The following SNAP47 variants were observed in gnomAD, a reference collection of about 807,000 sequenced individuals.
SNAP47 encodes the protein synaptosomal-associated protein 47.
SNAP47 carries 20 observed loss-of-function variants against 31.4 expected under a neutral mutation model. The ratio of observed to expected loss-of-function variants is 0.64; its 90% CI spans 0.45 to 0.93. The LOEUF is 0.93. SNAP47 is among the 40% of genes least tolerant of loss of function. The probability of loss-of-function intolerance (pLI) is 0.00; values close to 1 mark genes in which losing one functional copy is unlikely to be tolerated. For synonymous variants in SNAP47, 194 were observed against 213.4 expected (o/e 0.91, Z 0.79); for missense variants, 492 against 528.5 (o/e 0.93, Z 0.68).
chr1:227,769,522 C>T (rs893026714), intron 4 of SNAP47, among the ~76,000 whole-genome samples: 3 of 152,084 alleles, frequency 2.0e-5, no homozygotes, highest in Admixed American at 1.3e-4. Context: ...ACGAAACCCC[C>T]CTTCATCCAG....
intron 4 of SNAP47, among the ~76,000 whole-genome samples, chr1:227,770,013 G>A (rs556832537): frequency 3.9e-5 from 6 of 152,108 alleles, no homozygotes; most frequent in African/African-American, 9.7e-5. Flanking sequence ...TGGGAGCCTC[G>A]CTGGTGCCTG....
chr1:227,761,427 A>C (rs1442973948), intron 3 of SNAP47, among the ~76,000 whole-genome samples: 1 of 152,192 alleles, frequency 6.6e-6, no homozygotes, highest in Admixed American at 6.5e-5. Flanking sequence ...ATATGTCTTA[A>C]AGTCAGGGGT....
chr1:227,766,436 G>A (rs1663405339), intron 3 of SNAP47, among the ~76,000 whole-genome samples: 1 of 152,210 alleles, frequency 6.6e-6, no homozygotes, highest in Admixed American at 6.5e-5. Context: ...GGAGCCCTGA[G>A]GCTCACCACA....
intron 3 of SNAP47, among the ~76,000 whole-genome samples, chr1:227,766,557 TC>T (rs1397866817): frequency 6.6e-6 from 1 of 152,190 alleles, no homozygotes; most frequent in African/African-American, 2.4e-5. Context: ...GTGGGCCACT[TC>T]CTGTGCTCTC....
chr1:227,751,769 TTTTTTTTTTTTTG>T, intron 2 of SNAP47, among the ~76,000 whole-genome samples: 1 of 99,156 alleles, frequency 1.0e-5, no homozygotes, highest in Admixed American at 1.1e-4. Context: ...TTTTTTTTTT[TTTTTTTTTTTTTG>T]AGACGGAGTC....
At chr1:227,776,709 A>AC (rs1441114470) in intron 4 of SNAP47, 1 of 985,358 alleles carries the variant, frequency 1.0e-6, no homozygotes, top group Non-Finnish European at 1.2e-6. Flanking sequence ...GCACTCCAGG[A>AC]CACTAGCAGT....
At chr1:227,758,858 C>T in intron 2 of SNAP47, 137 bp from the exon 3 acceptor site, 1 of 1,073,614 alleles carries the variant, frequency 9.3e-7, no homozygotes, top group Non-Finnish European at 1.3e-6. Context: ...CCTCCTGCTT[C>T]ATGGAGTGCT....
At chr1:227,769,806 G>T (rs1156297306) in intron 4 of SNAP47, among the ~76,000 whole-genome samples, 1 of 152,194 alleles carries the variant, frequency 6.6e-6, no homozygotes, top group Non-Finnish European at 1.5e-5. Flanking sequence ...ATCCACTAGG[G>T]CCCACGCCAT....
Position 227,766,157 on chromosome 1 carries a change from C to T in SNAP47, c.989-802C>T, listed in dbSNP as rs149800732. On this transcript the variant is annotated intron_variant, in intron 3 of 4. Transcript: ENST00000617596. The stretch of plus-strand genomic sequence containing the variant: ...TAGGAACCTGGGAGGGATGCTGAGG[C>T]CACCCACCTGCCTGCCTGCCCCATC... Among the ~76,000 whole-genome samples the T allele has an allele frequency of 1.8e-3, 269 of 152,274 alleles. 5 individuals carry two copies. The highest frequency in any genetic ancestry group is 0.014 in the Middle Eastern group (4 of 294).
At chr1:227,749,112 G>T (rs1276609956) in intron 2 of SNAP47, among the ~76,000 whole-genome samples, 1 of 152,136 alleles carries the variant, frequency 6.6e-6, no homozygotes, top group East Asian at 1.9e-4. Flanking sequence ...TTGCGTCATG[G>T]CCCGAGCATC....
At chr1:227,733,261 G>A (rs41270161), upstream of SNAP47, 90,100 of 920,782 alleles carry the variant, frequency 0.098, 4,686 homozygotes, top group Middle Eastern at 0.17. Context: ...TGAAACAGAG[G>A]CTAGGCCTCA....
rs749574981 is a variant in SNAP47 at position 227,748,143 on chromosome 1, C to T, written c.407C>T (p.Thr136Met). 34 of 1,613,680 alleles carry T rather than the reference C, an allele frequency of 2.1e-5. No individual in the cohort carries two copies. The South Asian group carries it at 2.6e-4, about 13-fold the overall frequency. Residue 136 changes from threonine to methionine, a missense_variant, in exon 2 of 5, where the codon ACG becomes ATG. Thr to Met is a moderately conservative substitution (Grantham distance 81). Transcript: ENST00000617596. ...GGATCCCAGAAACGCCTGGAGGACA[C>T]GGCGAGGGTCCTGCACCACCAGGGC... ...MAGSQKRLED[T>M]ARVLHHQGQQ... is the part of the protein sequence containing the mutation.
upstream of SNAP47, chr1:227,735,349 C>T: frequency 1.3e-6 from 2 of 1,595,466 alleles, no homozygotes; most frequent in Non-Finnish European, 1.7e-6. Flanking sequence ...GCCTCGGAAC[C>T]AGAAGACGCA....
chr1:227,735,520 G>T (rs1372232750), intron 1 of SNAP47, 21 bp downstream of exon 1: 3 of 1,376,478 alleles, frequency 2.2e-6, no homozygotes, highest in South Asian at 3.5e-5. Context: ...GTGTTGGTCT[G>T]TTGGGCGCCC....
In SNAP47 at chr1:227,766,994, C is replaced by T. The variant is rs1362958459; in HGVS notation, c.1024C>T (p.Pro342Ser). The part of the protein sequence containing the change: ...GLMGRTLHRE[P>S]PAGDQEGTAL... Reference sequence around the variant, plus strand: ...GATGGGCCGTACCCTGCACCGTGAGCCACCCGCAGGAGACCAGGAGGGCAC... The same window carrying T: ...GATGGGCCGTACCCTGCACCGTGAGTCACCCGCAGGAGACCAGGAGGGCAC... The change falls in exon 4 of 5, where the codon CCA (proline) becomes TCA (serine). Residue 342 changes from proline to serine, a missense_variant. Transcript: ENST00000617596. 1 of 1,613,954 alleles carries T rather than the reference C, an allele frequency of 6.2e-7. No homozygotes were observed.
Position 227,762,754 on chromosome 1 carries a change from G to A in SNAP47, c.988+3269G>A, listed in dbSNP as rs891166346. Among the ~76,000 whole-genome samples the A allele has an allele frequency of 7.9e-5, 12 of 152,160 alleles. No individual in the cohort carries two copies. Among genetic ancestry groups the A allele is most frequent in the East Asian group, 1.9e-4 (1 of 5,174 alleles). On this transcript the variant is annotated intron_variant, in intron 3 of 4. Coordinates refer to ENST00000617596, the MANE Select transcript of SNAP47 (RefSeq NM_053052.4). This position sits in a 1 kb window ranked among gnomAD's most constrained non-coding sequence, Gnocchi z 4.2. ...CTTGCGTTGAGGAGCACCCAGGACC[G>A]CACAATCACCCTCCTCACATGTCTC...
At chr1:227,775,771 C>A in intron 4 of SNAP47, 1 of 1,302,494 alleles carries the variant, frequency 7.7e-7, no homozygotes, top group Non-Finnish European at 1.0e-6. Context: ...GCTAAATTCT[C>A]TTGTTTTTGC....
upstream of SNAP47, chr1:227,732,903 G>C: frequency 1.2e-6 from 2 of 1,612,790 alleles, no homozygotes; most frequent in Non-Finnish European, 1.7e-6. Context: ...GTGCCAGTCG[G>C]GCATGGAGTC....
intron 1 of SNAP47, among the ~76,000 whole-genome samples, chr1:227,737,324 G>C (rs1661284997): frequency 6.6e-6 from 1 of 152,240 alleles, no homozygotes; most frequent in African/African-American, 2.4e-5. Context: ...TCTTGACAGG[G>C]AGGTGGAAGG....
Sources: gnomAD v4.1 joint callset for allele counts (sites outside exome capture counted in the v4.1 genomes callset) on GRCh38, gnomAD v4.1.1 for gene constraint, Gnocchi (gnomAD v3.1) non-coding constraint, MANE v1.5 for transcripts, NCBI Gene and HGNC (gene_info 2026-07-23, HGNC 2026-07-21) for gene names.